BCL2L10: variants seen among roughly 807,000 people sequenced by gnomAD.
BCL2L10 encodes bcl-2-like protein 10.
In BCL2L10, 14 loss-of-function variants were observed where a neutral mutation model predicts 11.1. The observed-to-expected ratio is 1.26, with a 90% confidence interval of 0.83 to 1.96. The LOEUF (loss-of-function observed/expected upper bound fraction) is 1.96. Ranked by LOEUF, BCL2L10 falls within the 30% of genes most tolerant of loss-of-function variation. The pLI is 0.00. For missense variants in BCL2L10, 309 were observed against 273.9 expected (o/e 1.13, Z -0.90); for synonymous variants, 154 against 133.4 (o/e 1.15, Z -1.07).
intron 1 of BCL2L10, among the ~76,000 whole-genome samples, chr15:52,110,748 T>G (rs993979407): frequency 6.6e-6 from 1 of 152,164 alleles, no homozygotes; most frequent in Admixed American, 6.5e-5. Context: ...TTTCAGCTCC[T>G]TGGTGTTAAG....
At position 52,109,561 on chromosome 15, in the gene BCL2L10, C is replaced by T. The variant is rs1479562287; in HGVS notation, c.*287G>A. The T allele has an allele frequency of 3.3e-6, 1 of 306,492 alleles. No individual in the cohort carries two copies. Among genetic ancestry groups the T allele is most frequent in the Non-Finnish European group, 6.0e-6 (1 of 167,982 alleles). 19.0% of individuals were successfully genotyped at this position (306,492 alleles called of 1,614,324 possible). On this transcript the variant is annotated 3_prime_UTR_variant, in exon 2 of 2. Transcript: ENST00000260442. ...AGTTTTAGCAAATAGCACTGTATTT[C>T]CCATTTAATGGAATGCAGTTTCTTC...
At chr15:52,111,262 C>T (rs2033051902) in intron 1 of BCL2L10, among the ~76,000 whole-genome samples, 1 of 150,224 alleles carries the variant, frequency 6.7e-6, no homozygotes, top group African/African-American at 2.5e-5. Context: ...CCAGCTACTC[C>T]GGAGGCTGAG....
At chr15:52,111,217 C>CACACACACACACACACACACACACAG (rs1437768229) in intron 1 of BCL2L10, among the ~76,000 whole-genome samples, 1 of 147,378 alleles carries the variant, frequency 6.8e-6, no homozygotes, top group Admixed American at 6.8e-5. Context: ...CACACACACA[C>CACACACACACACACACACACACACAG]AGTTAGCCAG....
At chr15:52,111,735 G>A (rs1481087585) in intron 1 of BCL2L10, among the ~76,000 whole-genome samples, 3 of 152,046 alleles carry the variant, frequency 2.0e-5, no homozygotes, top group Non-Finnish European at 4.4e-5. Flanking sequence ...GCCACCACTG[G>A]GCGACCACCA....
At chr15:52,110,596 G>T (rs1482960078) in intron 1 of BCL2L10, among the ~76,000 whole-genome samples, 1 of 152,074 alleles carries the variant, frequency 6.6e-6, no homozygotes, top group Non-Finnish European at 1.5e-5. Flanking sequence ...ACCGTGCTTG[G>T]CTAATTTTGT....
chr15:52,111,241 C>T (rs1032430258), intron 1 of BCL2L10, among the ~76,000 whole-genome samples: 9 of 148,456 alleles, frequency 6.1e-5, no homozygotes, highest in Non-Finnish European at 1.0e-4. Context: ...TGGTGGGGCG[C>T]GCCTGTAGTC....
rs1185037528 is a variant in BCL2L10 at position 52,112,668 on chromosome 15, T to C, written c.59A>G (p.Glu20Gly). 5 of 1,545,102 alleles carry C rather than the reference T, an allele frequency of 3.2e-6. No individual in the cohort carries two copies. The highest frequency in any genetic ancestry group is 4.3e-6 in the Non-Finnish European group (5 of 1,152,020). The change falls in exon 1 of 2, where the codon GAG becomes GGG. Residue 20 changes from glutamate (E) to glycine (G), a missense_variant. Coordinates refer to ENST00000260442, the MANE Select transcript of BCL2L10 (RefSeq NM_020396.4). ...TMADPLRERT[E>G]LLLADYLGYC... The stretch of plus-strand genomic sequence containing the variant: ...CCCCAGGTAGTCGGCCAGCAACAGC[T>C]CGGTGCGCTCCCGCAGCGGGTCGGC...
At position 52,111,173 on chromosome 15, in the gene BCL2L10, AACACACACAC is replaced by A. The variant is rs71130130; in HGVS notation, c.489+1055_489+1064del. Among the ~76,000 whole-genome samples the A allele has an allele frequency of 4.1e-3, 503 of 121,804 alleles. 9 individuals carry two copies. The highest frequency in any genetic ancestry group is 8.0e-3 in the Middle Eastern group (2 of 250). The allele number at this position is 121,804 out of a possible 152,430, so 79.9% of individuals were successfully genotyped here. On this transcript the variant is annotated intron_variant, in intron 1 of 1. Transcript: ENST00000260442. The stretch of plus-strand genomic sequence containing the variant: ...ATGGTGAAAGCCCATCTCTACTGAA[AACACACACAC>A]ACACACACACACACACACACACACA...
At chr15:52,110,677 C>G (rs551472456) in intron 1 of BCL2L10, among the ~76,000 whole-genome samples, 1 of 152,302 alleles carries the variant, frequency 6.6e-6, no homozygotes, top group African/African-American at 2.4e-5. Flanking sequence ...AGGTGATCCA[C>G]CTGCCTTGGC....
chr15:52,110,120 T>G, intron 1 of BCL2L10, 147 bp from the exon 2 acceptor site: 2 of 718,436 alleles, frequency 2.8e-6, no homozygotes, highest in South Asian at 2.0e-5. Context: ...ACACATCCAG[T>G]AATGAGGAGC....
At chr15:52,112,017 A>T in intron 1 of BCL2L10, 1 of 923,876 alleles carries the variant, frequency 1.1e-6, no homozygotes, top group Non-Finnish European at 1.5e-6. Flanking sequence ...GGAACGGTTC[A>T]CGGCCGTCTA....
At position 52,109,749 on chromosome 15, in the gene BCL2L10, G is replaced by A; in HGVS notation, c.*99C>T. 1 of 1,497,570 alleles carries A rather than the reference G, an allele frequency of 6.7e-7. No homozygotes were observed. The highest frequency in any genetic ancestry group is 1.9e-5 in the Admixed American group (1 of 52,296). 92.8% of individuals were successfully genotyped at this position (1,497,570 alleles called of 1,614,324 possible). A position where few individuals can be genotyped will look rare whatever the true frequency, so the allele number is the denominator to read the frequency against. On this transcript the variant is annotated 3_prime_UTR_variant, in exon 2 of 2. Coordinates refer to ENST00000260442, the MANE Select transcript of BCL2L10 (RefSeq NM_020396.4). ...GTATGCATTCAGATAAAAACGTCTG[G>A]GGTGGGGGAAGGTGCTTTCCCTCAG...
chr15:52,110,040 G>A (rs1180114594), intron 1 of BCL2L10, 67 bp from the exon 2 acceptor site: 4 of 1,440,468 alleles, frequency 2.8e-6, no homozygotes, highest in Non-Finnish European at 3.8e-6. Flanking sequence ...AAACACGCAG[G>A]AACTTCCAGA....
chr15:52,111,328 C>G (rs1226365869), intron 1 of BCL2L10, among the ~76,000 whole-genome samples: 1 of 151,940 alleles, frequency 6.6e-6, no homozygotes, highest in East Asian at 1.9e-4. Context: ...GGATCCACCA[C>G]CGCACTCCAG....
chr15:52,112,513 C>T lies in BCL2L10; in HGVS notation c.214G>A (p.Gly72Arg), dbSNP rs1400685342. The T allele has an allele frequency of 1.3e-6, 2 of 1,596,342 alleles. No individual in the cohort carries two copies. Among genetic ancestry groups the T allele is most frequent in the East Asian group, 2.2e-5 (1 of 44,526 alleles). The change falls in exon 1 of 2, where the codon GGG (glycine) becomes AGG (arginine). Residue 72 changes from glycine to arginine, a missense_variant. Transcript: ENST00000260442. ...SFFSAYLGYP[G>R]NRFELVALMA... ...AGCGCCACCAGCTCGAAGCGGTTCC[C>T]GGGGTAGCCGAGGTAGGCGGAGAAA... is the stretch of plus-strand genomic sequence containing the variant.
chr15:52,112,578 C>A lies in BCL2L10; in HGVS notation c.149G>T (p.Arg50Leu), dbSNP rs865955915. ...APSTPEAAVL[R>L]SAAARLRQIH... is the part of the protein sequence containing the mutation. ...CTGCCGTAACCTGGCGGCCGCGGAG[C>A]GCAGCACGGCGGCCTCGGGCGTGGA... The change falls in exon 1 of 2, where the codon CGC (arginine) becomes CTC (leucine). Residue 50 changes from arginine (R) to leucine (L), a missense_variant. Coordinates refer to ENST00000260442, the MANE Select transcript of BCL2L10 (RefSeq NM_020396.4). 1.9e-6 allele frequency: 3 copies of A among 1,578,764 alleles called. No individual in the cohort carries two copies. The highest frequency in any genetic ancestry group is 2.6e-6 in the Non-Finnish European group (3 of 1,170,336).
In BCL2L10 at chr15:52,109,770, C is replaced by G; in HGVS notation, c.*78G>C. Reference sequence around the variant, plus strand: ...TCTGGGGTGGGGGAAGGTGCTTTCCCTCAGTTCTTGTTCTCACACATCTGT... The same window carrying G: ...TCTGGGGTGGGGGAAGGTGCTTTCCGTCAGTTCTTGTTCTCACACATCTGT... On this transcript the variant is annotated 3_prime_UTR_variant, in exon 2 of 2. Transcript: ENST00000260442. 1 of 1,571,014 alleles carries G rather than the reference C, an allele frequency of 6.4e-7. No individual in the cohort carries two copies. The highest frequency in any genetic ancestry group is 8.7e-7 in the Non-Finnish European group (1 of 1,152,376).
rs750575660 is a variant in BCL2L10, at chr15:52,112,400, C to G, written c.327G>C (p.Glu109Asp). The G allele has an allele frequency of 6.2e-7, 1 of 1,607,168 alleles. No individual in the cohort carries two copies. Among genetic ancestry groups the G allele is most frequent in the African/African-American group, 1.3e-5 (1 of 74,898 alleles). The change falls in exon 1 of 2, where the codon GAG (glutamate) becomes GAC (aspartate). Residue 109 changes from glutamate to aspartate, a missense_variant. Glu to Asp is a conservative substitution (Grantham distance 45). Coordinates refer to ENST00000260442, the MANE Select transcript of BCL2L10 (RefSeq NM_020396.4). ...TLVTFAGTLL[E>D]RGPLVTARWK... ...ACCGGGCGGTCACCAGCGGCCCTCT[C>G]TCCAGCAGCGTCCCTGCGAAGGTCA...
At position 52,109,952 on chromosome 15, in the gene BCL2L10, T is replaced by C; in HGVS notation, c.511A>G (p.Arg171Gly). 6.2e-7 allele frequency: 1 copy of C among 1,612,094 alleles called. No individual in the cohort carries two copies. Among genetic ancestry groups the C allele is most frequent in the Non-Finnish European group, 8.5e-7 (1 of 1,179,146 alleles). ...GGWDGFCHFFRTPFPLAFWRK... is the reference protein window; with the variant it reads ...GGWDGFCHFFGTPFPLAFWRK... ...CAAAAAGCCAGTGGAAAGGGGGTCC[T>C]GAAGAAGTGACAAAAGCCATCCTAC... The change falls in exon 2 of 2, where the codon AGG becomes GGG. Residue 171 changes from arginine (R) to glycine (G), a missense_variant. By Grantham distance (125) the Arg-to-Gly change is moderately radical (BLOSUM62 -2). Coordinates refer to ENST00000260442, the MANE Select transcript of BCL2L10 (RefSeq NM_020396.4).
Sources: allele counts gnomAD v4.1 joint callset (sites outside exome capture counted in the v4.1 genomes callset), GRCh38; gene constraint gnomAD v4.1.1; transcripts MANE v1.5; gene names NCBI Gene and HGNC (gene_info 2026-07-23, HGNC 2026-07-21).